NEMP2: variants seen among roughly 807,000 people sequenced by gnomAD.
The protein encoded by NEMP2 is UPF0571 transmembrane protein.
In NEMP2, 53 loss-of-function variants were observed where a neutral mutation model predicts 54.2. The observed-to-expected ratio is 0.98, with a 90% CI of 0.78 to 1.23. NEMP2 has a LOEUF of 1.23. Among genes scored for constraint, NEMP2 ranks in the 50% most tolerant of loss-of-function variants. The pLI is 0.00. For missense variants in NEMP2, 455 were observed against 511.3 expected (o/e 0.89, Z 1.06); for synonymous variants, 197 against 190.3 (o/e 1.04, Z -0.29).
At chr2:190,589,255 C>G in the NEMP2 span, among the ~76,000 whole-genome samples, 1 of 152,138 alleles carries the variant, frequency 6.6e-6, no homozygotes, top group Non-Finnish European at 1.5e-5. The surrounding 1 kb of genome is among the most constrained non-coding windows in gnomAD (Gnocchi z 4.3). Flanking sequence ...GATGCAGCTA[C>G]CAGGAATGCC....
At position 190,525,347 on chromosome 2, in the gene NEMP2, A is replaced by G; in HGVS notation, c.129T>C (p.Asp43=). The change falls in exon 2 of 9, where the codon GAT becomes GAC. Residue 43 remains aspartate, a synonymous_variant. Transcript: ENST00000409150. The surrounding 1 kb of genome is among the most constrained non-coding windows in gnomAD (Gnocchi z 5.0). ...VRRCKALKEK[D]LIRTSESDCY... is the part of the protein sequence containing the mutation. The stretch of plus-strand genomic sequence containing the variant: ...AGTCTGACTCAGACGTTCTAATTAA[A>G]TCTTTTTCCTTCAAAGCTTTACACC... The G allele has an allele frequency of 1.3e-6, 2 of 1,549,910 alleles. No individual in the cohort carries two copies. The highest frequency in any genetic ancestry group is 8.7e-7 in the Non-Finnish European group (1 of 1,145,748).
At chr2:190,442,894 C>G in the NEMP2 span, 5 of 152,138 alleles carry the variant, frequency 3.3e-5, no homozygotes, top group Non-Finnish European at 7.3e-5. Flanking sequence ...ACAAGGAAAT[C>G]TTGTCGTCTA....
chr2:190,562,478 G>A, the NEMP2 span, among the ~76,000 whole-genome samples: 1 of 152,182 alleles, frequency 6.6e-6, no homozygotes, highest in African/African-American at 2.4e-5. The surrounding 1 kb of genome is among the most constrained non-coding windows in gnomAD (Gnocchi z 5.0). Flanking sequence ...GGCTGCCATG[G>A]GTTGGGGCTG....
At chr2:190,472,609 G>C in the NEMP2 span, among the ~76,000 whole-genome samples, 6 of 152,230 alleles carry the variant, frequency 3.9e-5, no homozygotes, top group African/African-American at 1.4e-4. Context: ...ATCTACATCT[G>C]ATTGGTGTAC....
At chr2:190,570,584 A>T in the NEMP2 span, among the ~76,000 whole-genome samples, 1 of 152,174 alleles carries the variant, frequency 6.6e-6, no homozygotes, top group African/African-American at 2.4e-5. This position sits in a 1 kb window ranked among gnomAD's most constrained non-coding sequence, Gnocchi z 5.4. Context: ...CAAAGACAGG[A>T]TGAAGCAGGA....
chr2:190,434,535 G>A, the NEMP2 span, among the ~76,000 whole-genome samples: 2 of 152,098 alleles, frequency 1.3e-5, no homozygotes, highest in African/African-American at 2.4e-5. This position sits in a 1 kb window ranked among gnomAD's most constrained non-coding sequence, Gnocchi z 4.3. Context: ...TCCTGGGTTC[G>A]AGCAATTTGC....
chr2:190,491,432 A>G, the NEMP2 span, among the ~76,000 whole-genome samples: 2 of 152,188 alleles, frequency 1.3e-5, no homozygotes, highest in African/African-American at 4.8e-5. This position sits in a 1 kb window ranked among gnomAD's most constrained non-coding sequence, Gnocchi z 4.2. Context: ...AGACAGGCCA[A>G]ATATTGGGCT....
At chr2:190,639,855 A>T in the NEMP2 span, among the ~76,000 whole-genome samples, 4,656 of 152,164 alleles carry the variant, frequency 0.031, 97 homozygotes, top group African/African-American at 0.054. Flanking sequence ...TCACCATGTT[A>T]GCCAGAATGG....
At chr2:190,429,143 T>C in the NEMP2 span, among the ~76,000 whole-genome samples, 1 of 152,070 alleles carries the variant, frequency 6.6e-6, no homozygotes, top group Non-Finnish European at 1.5e-5. Flanking sequence ...TTTTTCCTAT[T>C]GGGTTACCTG....
chr2:190,498,190 G>A, the NEMP2 span, among the ~76,000 whole-genome samples: 1 of 152,148 alleles, frequency 6.6e-6, no homozygotes, highest in African/African-American at 2.4e-5. This position sits in a 1 kb window ranked among gnomAD's most constrained non-coding sequence, Gnocchi z 5.9. Flanking sequence ...TGAAAAATAA[G>A]TCTAAAAGTG....
the NEMP2 span, among the ~76,000 whole-genome samples, chr2:190,607,413 C>T: frequency 6.6e-6 from 1 of 152,138 alleles, no homozygotes; most frequent in Non-Finnish European, 1.5e-5. This position sits in a 1 kb window ranked among gnomAD's most constrained non-coding sequence, Gnocchi z 5.2. Flanking sequence ...ATACCAAAGC[C>T]ATGACCCTAG....
At chr2:190,515,625 G>C (rs1416361394) in intron 6 of NEMP2, among the ~76,000 whole-genome samples, 3 of 152,146 alleles carry the variant, frequency 2.0e-5, no homozygotes, top group African/African-American at 7.2e-5. Flanking sequence ...AGCACAAAAA[G>C]AAGAACGAGC....
At position 190,519,144 on chromosome 2, in the gene NEMP2, T is replaced by A; in HGVS notation, c.253A>T (p.Ile85Phe). The change falls in exon 3 of 9, where the codon ATC (isoleucine) becomes TTC (phenylalanine). Residue 85 changes from isoleucine (I) to phenylalanine (F), a missense_variant. Physicochemically the swap from Ile to Phe is conservative, Grantham distance 21. Coordinates refer to ENST00000409150, the MANE Select transcript of NEMP2 (RefSeq NM_001142645.2). This position sits in a 1 kb window ranked among gnomAD's most constrained non-coding sequence, Gnocchi z 5.4. ...TATTGGCAATTATGTCTTTCTGCGA[T>A]ATATACAATTCTGAACAGGCCTGGA... ...TSPGLFRIVY[I>F]AERHNCQYPE... 5 of 1,550,476 alleles carry A rather than the reference T, an allele frequency of 3.2e-6. No individual in the cohort carries two copies. Among genetic ancestry groups the A allele is most frequent in the Non-Finnish European group, 4.4e-6 (5 of 1,146,976 alleles).
chr2:190,464,180 G>A, the NEMP2 span, among the ~76,000 whole-genome samples: 8 of 152,206 alleles, frequency 5.3e-5, no homozygotes, highest in African/African-American at 1.9e-4. Context: ...AACACAAACT[G>A]TAGACAAGTG....
chr2:190,482,294 T>A, the NEMP2 span, among the ~76,000 whole-genome samples: 1 of 152,278 alleles, frequency 6.6e-6, no homozygotes, highest in East Asian at 1.9e-4. Flanking sequence ...ACCACTAAGA[T>A]TTCCAATATA....
At chr2:190,547,363 T>A in the NEMP2 span, among the ~76,000 whole-genome samples, 1 of 152,198 alleles carries the variant, frequency 6.6e-6, no homozygotes, top group African/African-American at 2.4e-5. The surrounding 1 kb of genome is among the most constrained non-coding windows in gnomAD (Gnocchi z 6.2). Context: ...ATTCTAAACT[T>A]TGACAAATGT....
the NEMP2 span, among the ~76,000 whole-genome samples, chr2:190,496,148 A>G: frequency 6.6e-6 from 1 of 152,136 alleles, no homozygotes; most frequent in South Asian, 2.1e-4. This position sits in a 1 kb window ranked among gnomAD's most constrained non-coding sequence, Gnocchi z 4.7. Context: ...AGCAAGAAAA[A>G]AAAAAACACC....
the NEMP2 span, among the ~76,000 whole-genome samples, chr2:190,602,752 G>A: frequency 6.6e-6 from 1 of 152,178 alleles, no homozygotes; most frequent in Admixed American, 6.5e-5. Flanking sequence ...CAGAGAATGG[G>A]GAGAAAGGCT....
chr2:190,517,412 C>A, intron 5 of NEMP2, 108 bp downstream of exon 5: 1 of 768,088 alleles, frequency 1.3e-6, no homozygotes, highest in Non-Finnish European at 2.0e-6. Context: ...AATGAAGAAA[C>A]ATAATTTAAA....
Sources: gnomAD v4.1 joint callset for allele counts (sites outside exome capture counted in the v4.1 genomes callset) on GRCh38, gnomAD v4.1.1 for gene constraint, Gnocchi (gnomAD v3.1) non-coding constraint, MANE v1.5 for transcripts, NCBI Gene and HGNC (gene_info 2026-07-23, HGNC 2026-07-21) for gene names.